ALYREF: variants seen among roughly 807,000 people sequenced by gnomAD.
ALYREF encodes the protein THO complex subunit 4.
Under a neutral mutation model 25.2 loss-of-function variants are expected in ALYREF, and 1 was observed. The ratio of observed to expected loss-of-function variants is 0.04; its 90% CI spans 0.01 to 0.19. ALYREF has a LOEUF of 0.19. Ranked by LOEUF, ALYREF falls within the 10% of genes least tolerant of loss-of-function variation. The pLI is 1.00. For synonymous variants in ALYREF, 193 were observed against 153.5 expected, an observed-to-expected ratio of 1.26 and a Z score of -1.90; for missense variants, 328 against 375.6, an observed-to-expected ratio of 0.87 and a Z score of 1.05.
chr17:81,887,973 A>AT lies in ALYREF; in HGVS notation c.*157_*158insA. The AT allele has an allele frequency of 1.0e-5, 7 of 698,788 alleles. No individual in the cohort carries two copies. Among genetic ancestry groups the AT allele is most frequent in the Non-Finnish European group, 1.5e-5 (7 of 476,688 alleles). The allele number at this position is 698,788 out of a possible 1,614,324, so 43.3% of individuals were successfully genotyped here. A position where few individuals can be genotyped will look rare whatever the true frequency, so the allele number is the denominator to read the frequency against. On this transcript the variant is annotated 3_prime_UTR_variant, in exon 6 of 6. Coordinates refer to ENST00000505490, the MANE Select transcript of ALYREF (RefSeq NM_005782.4). ...GTTTCAGAATTAAAAAAAAAAAAAAAGAAAAAAAAAAAACCTTTACATGAG... is the reference window on the plus strand; with the variant it reads ...GTTTCAGAATTAAAAAAAAAAAAAAATGAAAAAAAAAAAACCTTTACATGAG...
At position 81,889,349 on chromosome 17, in the gene ALYREF, G is replaced by C. The variant is rs1468833979; in HGVS notation, c.391-20C>G. On this transcript the variant is annotated intron_variant, in intron 2 of 5. Coordinates refer to ENST00000505490, the MANE Select transcript of ALYREF (RefSeq NM_005782.4). ...GAGTTCCTGGGAGTTGCAGAGAGCA[G>C]TTGTCAGAAAAGCAACAAAACTGCG... is the stretch of plus-strand genomic sequence containing the variant. 3 of 1,609,574 alleles carry C rather than the reference G, an allele frequency of 1.9e-6. No individual in the cohort carries two copies. The highest frequency in any genetic ancestry group is 3.3e-5 in the Admixed American group (2 of 59,964).
chr17:81,888,326 C>T lies in ALYREF; in HGVS notation c.695G>A (p.Gly232Glu). The T allele has an allele frequency of 6.2e-7, 1 of 1,606,574 alleles. No homozygotes were observed. Among genetic ancestry groups the T allele is most frequent in the Non-Finnish European group, 8.5e-7 (1 of 1,179,248 alleles). ...TRRGTRGGAR[G>E]RGRGAGRNSK... ...ATTCCTGCCGGCACCTCTGCCTCTT[C>T]CACGGGCGCCTCCGCGGGTGCCTCT... Residue 232 changes from glycine to glutamate, a missense_variant, in exon 5 of 6, where the codon GGA (glycine) becomes GAA (glutamate). Transcript: ENST00000505490. This position sits in a 1 kb window ranked among gnomAD's most constrained non-coding sequence, Gnocchi z 5.8.
At position 81,887,847 on chromosome 17, in the gene ALYREF, A is replaced by G. The variant is rs2143484708; in HGVS notation, c.*284T>C. Reference sequence around the variant, plus strand: ...ACGAATCAAACAGTTCCAGTTCTACACACATTTCTATTTTATTATGGAAAA... The same window carrying G: ...ACGAATCAAACAGTTCCAGTTCTACGCACATTTCTATTTTATTATGGAAAA... On this transcript the variant is annotated 3_prime_UTR_variant, in exon 6 of 6. Transcript: ENST00000505490. 1 of 368,038 alleles carries G rather than the reference A, an allele frequency of 2.7e-6. No homozygotes were observed. The highest frequency in any genetic ancestry group is 4.9e-6 in the Non-Finnish European group (1 of 206,078). The allele number at this position is 368,038 out of a possible 1,614,324, so 22.8% of individuals were successfully genotyped here. A position where few individuals can be genotyped will look rare whatever the true frequency, so the allele number is the denominator to read the frequency against.
At position 81,887,951 on chromosome 17, in the gene ALYREF, T is replaced by C; in HGVS notation, c.*180A>G. ...TAACTCGGTACAAAACAGGTCTGTT[T>C]CAGAATTAAAAAAAAAAAAAAAGAA... is the stretch of plus-strand genomic sequence containing the variant. On this transcript the variant is annotated 3_prime_UTR_variant, in exon 6 of 6. Transcript: ENST00000505490. The C allele has an allele frequency of 1.3e-6, 1 of 749,302 alleles. No homozygotes were observed. Among genetic ancestry groups the C allele is most frequent in the Non-Finnish European group, 2.0e-6 (1 of 502,084 alleles). The allele number at this position is 749,302 out of a possible 1,614,324, so 46.4% of individuals were successfully genotyped here.
intron 2 of ALYREF, among the ~76,000 whole-genome samples, chr17:81,890,274 G>A (rs994663901): frequency 2.0e-5 from 3 of 152,106 alleles, no homozygotes; most frequent in Admixed American, 1.3e-4. Flanking sequence ...GGCAAACAGA[G>A]CCAGAAAAAC....
chr17:81,888,470 C>G lies in ALYREF; in HGVS notation c.602+50G>C, dbSNP rs890916997. ...ACACCCGGAAGGACCCTAAGAGCGA[C>G]GCAGCCTCACCCTCGGCCAATCCCC... On this transcript the variant is annotated intron_variant, in intron 4 of 5. Transcript: ENST00000505490. This position sits in a 1 kb window ranked among gnomAD's most constrained non-coding sequence, Gnocchi z 5.8. The G allele has an allele frequency of 1.2e-6, 2 of 1,604,120 alleles. No homozygotes were observed. The highest frequency in any genetic ancestry group is 1.7e-6 in the Non-Finnish European group (2 of 1,173,682).
Position 81,887,969 on chromosome 17 carries a change from AAAAAG to A in ALYREF, c.*157_*161del. On this transcript the variant is annotated 3_prime_UTR_variant, in exon 6 of 6. Transcript: ENST00000505490. ...GTCTGTTTCAGAATTAAAAAAAAAA[AAAAAG>A]AAAAAAAAAAAACCTTTACATGAGT... 2 of 835,184 alleles carry A rather than the reference AAAAAG, an allele frequency of 2.4e-6. No individual in the cohort carries two copies. The highest frequency in any genetic ancestry group is 1.7e-5 in the African/African-American group (1 of 57,380). 51.7% of individuals were successfully genotyped at this position (835,184 alleles called of 1,614,324 possible). A position where few individuals can be genotyped will look rare whatever the true frequency, so the allele number is the denominator to read the frequency against.
Position 81,890,725 on chromosome 17 carries a change from G to A in ALYREF, c.354C>T (p.Ser118=), listed in dbSNP as rs1452296353. The A allele has an allele frequency of 6.2e-7, 1 of 1,613,988 alleles. No homozygotes were observed. The highest frequency in any genetic ancestry group is 8.5e-7 in the Non-Finnish European group (1 of 1,179,992). The change falls in exon 2 of 6, where the codon TCC becomes TCT. Residue 118 remains serine, a synonymous_variant. Coordinates refer to ENST00000505490, the MANE Select transcript of ALYREF (RefSeq NM_005782.4). The stretch of plus-strand genomic sequence containing the variant: ...CGTCTGAGACTCCAAAATCCAGATT[G>A]GACACCAGCAGTTTCCCACCTGTCT... The part of the protein sequence containing the change: ...GVETGGKLLV[S]NLDFGVSDAD...
In ALYREF at chr17:81,888,909, G is replaced by T; in HGVS notation, c.538+273C>A. Reference sequence around the variant, plus strand: ...TTACGACTACAGCCCCGCACTCAGAGGTGTACTATGGCGGTTCTGAGAAGG... The same window carrying T: ...TTACGACTACAGCCCCGCACTCAGATGTGTACTATGGCGGTTCTGAGAAGG... On this transcript the variant is annotated intron_variant, in intron 3 of 5. Coordinates refer to ENST00000505490, the MANE Select transcript of ALYREF (RefSeq NM_005782.4). This position sits in a 1 kb window ranked among gnomAD's most constrained non-coding sequence, Gnocchi z 5.8. 1 of 1,410,862 alleles carries T rather than the reference G, an allele frequency of 7.1e-7. No individual in the cohort carries two copies. The allele number at this position is 1,410,862 out of a possible 1,614,324, so 87.4% of individuals were successfully genotyped here.
At position 81,890,840 on chromosome 17, in the gene ALYREF, A is replaced by G. The variant is rs919890509; in HGVS notation, c.259-20T>C. On this transcript the variant is annotated intron_variant, in intron 1 of 5. Transcript: ENST00000505490. Reference sequence around the variant, plus strand: ...TTTTGGCTGAAAAAAAAACCGCAACAAGAGCAGATCTGTGAGTCTCAGTCC... The same window carrying G: ...TTTTGGCTGAAAAAAAAACCGCAACGAGAGCAGATCTGTGAGTCTCAGTCC... The G allele has an allele frequency of 2.7e-5, 44 of 1,613,608 alleles. No individual in the cohort carries two copies. Among genetic ancestry groups the G allele is most frequent in the Non-Finnish European group, 3.6e-5 (43 of 1,179,898 alleles).
chr17:81,890,584 G>T (rs763698896), intron 2 of ALYREF, 105 bp downstream of exon 2: 10 of 1,520,372 alleles, frequency 6.6e-6, no homozygotes, highest in South Asian at 1.2e-5. Flanking sequence ...AGAGCTGGGA[G>T]GGCTCCCTTC....
Position 81,887,974 on chromosome 17 carries a change from G to GAAA in ALYREF, c.*154_*156dup. The GAAA allele has an allele frequency of 9.0e-6, 4 of 445,424 alleles. No individual in the cohort carries two copies. Among genetic ancestry groups the GAAA allele is most frequent in the South Asian group, 6.4e-5 (1 of 15,702 alleles). The allele number at this position is 445,424 out of a possible 1,614,324, so 27.6% of individuals were successfully genotyped here. ...TTTCAGAATTAAAAAAAAAAAAAAA[G>GAAA]AAAAAAAAAAAACCTTTACATGAGT... On this transcript the variant is annotated 3_prime_UTR_variant, in exon 6 of 6. Transcript: ENST00000505490.
At position 81,888,209 on chromosome 17, in the gene ALYREF, C is replaced by T. The variant is rs752483917; in HGVS notation, c.780+32G>A. The T allele has an allele frequency of 4.3e-6, 7 of 1,613,928 alleles. No individual in the cohort carries two copies. The South Asian group carries it at 7.7e-5, about 18-fold the overall frequency. On this transcript the variant is annotated intron_variant, in intron 5 of 5. Transcript: ENST00000505490. This position sits in a 1 kb window ranked among gnomAD's most constrained non-coding sequence, Gnocchi z 5.8. The stretch of plus-strand genomic sequence containing the variant: ...GGCCTGCTCCCCACTGCGGCTTTGA[C>T]CAGGCCCCCAGCTGGCTCCCCCGGG...
In ALYREF at chr17:81,889,307, G is replaced by A. The variant is rs766803329; in HGVS notation, c.413C>T (p.Thr138Met). 1.9e-5 allele frequency: 31 copies of A among 1,613,962 alleles called. No individual in the cohort carries two copies. The highest frequency in any genetic ancestry group is 2.7e-5 in the African/African-American group (2 of 74,934). The change falls in exon 3 of 6, where the codon ACG becomes ATG. Residue 138 changes from threonine (T) to methionine (M), a missense_variant. Coordinates refer to ENST00000505490, the MANE Select transcript of ALYREF (RefSeq NM_005782.4). ...DIQELFAEFG[T>M]LKKAAVHYDR... ...ATAGTGCACAGCCGCCTTCTTCAGC[G>A]TTCCAAATTCAGCAAAGAGTTCCTG... is the stretch of plus-strand genomic sequence containing the variant.
chr17:81,890,176 T>C (rs141649108), intron 2 of ALYREF, among the ~76,000 whole-genome samples: 202 of 152,062 alleles, frequency 1.3e-3, no homozygotes, highest in African/African-American at 4.7e-3. Context: ...CAACCAAAGA[T>C]GGATTTGAGA....
Position 81,889,237 on chromosome 17 carries a change from C to T in ALYREF, c.483G>A (p.Glu161=), listed in dbSNP as rs1419622997. 6.2e-7 allele frequency: 1 copy of T among 1,614,150 alleles called. No individual in the cohort carries two copies. Among genetic ancestry groups the T allele is most frequent in the Non-Finnish European group, 8.5e-7 (1 of 1,180,050 alleles). Residue 161 remains glutamate (E), a synonymous_variant, in exon 3 of 6, where the codon GAG becomes GAA. Coordinates refer to ENST00000505490, the MANE Select transcript of ALYREF (RefSeq NM_005782.4). The stretch of plus-strand genomic sequence containing the variant: ...TGGCCTTCAGGGCATCTGCCTTCCG[C>T]TCAAAGTGCACGTCTGCTGTTCCTA... ...RSLGTADVHF[E]RKADALKAMK...
At position 81,888,007 on chromosome 17, in the gene ALYREF, T is replaced by C; in HGVS notation, c.*124A>G. 1 of 1,036,480 alleles carries C rather than the reference T, an allele frequency of 9.6e-7. No homozygotes were observed. The highest frequency in any genetic ancestry group is 1.3e-6 in the Non-Finnish European group (1 of 745,220). The allele number at this position is 1,036,480 out of a possible 1,614,324, so 64.2% of individuals were successfully genotyped here. ...AAAAACCTTTACATGAGTTTTTAAA[T>C]CCTATTTTAAAACATAAAAGAAACA... On this transcript the variant is annotated 3_prime_UTR_variant, in exon 6 of 6. Transcript: ENST00000505490. This position sits in a 1 kb window ranked among gnomAD's most constrained non-coding sequence, Gnocchi z 5.8.
rs758141205 is a variant in ALYREF, at chr17:81,888,212, G to C, written c.780+29C>G. ...CTGCTCCCCACTGCGGCTTTGACCA[G>C]GCCCCCAGCTGGCTCCCCCGGGACT... is the stretch of plus-strand genomic sequence containing the variant. On this transcript the variant is annotated intron_variant, in intron 5 of 5. Coordinates refer to ENST00000505490, the MANE Select transcript of ALYREF (RefSeq NM_005782.4). This position sits in a 1 kb window ranked among gnomAD's most constrained non-coding sequence, Gnocchi z 5.8. 1.9e-5 allele frequency: 31 copies of C among 1,613,806 alleles called. No individual in the cohort carries two copies. In the African/African-American group the frequency reaches 3.9e-4, roughly 20 times the overall value.
intron 1 of ALYREF, 177 bp from the exon 2 acceptor site, chr17:81,890,997 C>A: frequency 1.1e-6 from 1 of 941,530 alleles, no homozygotes; most frequent in Non-Finnish European, 1.5e-6. Flanking sequence ...ACGGTCCCAC[C>A]GCGGCCGCAC....
Sources: gnomAD v4.1 joint callset for allele counts (sites outside exome capture counted in the v4.1 genomes callset) on GRCh38, gnomAD v4.1.1 for gene constraint, Gnocchi (gnomAD v3.1) non-coding constraint, MANE v1.5 for transcripts, NCBI Gene and HGNC (gene_info 2026-07-23, HGNC 2026-07-21) for gene names.